Variants in MYL4 observed in about 807,000 individuals in gnomAD.
The protein encoded by MYL4 is atrial myosin light chain 1.
A neutral mutation model predicts 21.6 loss-of-function variants in MYL4; 16 were observed. The observed-to-expected ratio is 0.74, with a 90% confidence interval of 0.50 to 1.12. The LOEUF (loss-of-function observed/expected upper bound fraction) is 1.12, where lower values mean the gene tolerates loss of function less well. Among genes scored for constraint, MYL4 ranks in the 50% most tolerant of loss-of-function variants. MYL4 has a pLI of 0.00. For synonymous variants in MYL4, 82 were observed against 95.7 expected (o/e 0.86, Z 0.83); for missense variants, 249 against 252.9 (o/e 0.98, Z 0.11).
chr17:47,216,210 G>T (rs777977644), intron 2 of MYL4, among the ~76,000 whole-genome samples: 7 of 151,388 alleles, frequency 4.6e-5, no homozygotes, highest in Non-Finnish European at 1.0e-4. Flanking sequence ...TGGACTCATT[G>T]CTCTAGTAAG....
At chr17:47,213,043 C>T (rs761978579) in intron 1 of MYL4, among the ~76,000 whole-genome samples, 8 of 151,948 alleles carry the variant, frequency 5.3e-5, no homozygotes, top group Non-Finnish European at 7.4e-5. Flanking sequence ...AAGAGCAGTC[C>T]GAGTGTGGGG....
At chr17:47,203,053 C>T (rs1322647823) in intron 1 of MYL4, among the ~76,000 whole-genome samples, 1 of 152,124 alleles carries the variant, frequency 6.6e-6, no homozygotes, top group Non-Finnish European at 1.5e-5. Flanking sequence ...CTAGTTCAAG[C>T]AATTCTCTTG....
At chr17:47,209,759 G>T (rs2064759563) in intron 1 of MYL4, 2 of 729,226 alleles carry the variant, frequency 2.7e-6, no homozygotes, top group South Asian at 1.7e-5. Context: ...TTTCCGTCAA[G>T]AATGAGGTGC....
chr17:47,192,014 A>C, the MYL4 span, among the ~76,000 whole-genome samples: 28 of 152,202 alleles, frequency 1.8e-4, no homozygotes, highest in Admixed American at 6.5e-4. Context: ...TCTGGCTTAT[A>C]GGCTTAGAAT....
chr17:47,221,928 C>G (rs114403869), intron 4 of MYL4, 73 bp downstream of exon 4: 29 of 1,521,424 alleles, frequency 1.9e-5, no homozygotes, highest in Non-Finnish European at 2.6e-5. Context: ...GTGACATATG[C>G]TGGTTGGGTG....
At chr17:47,226,808 G>C (rs1029565921), downstream of MYL4, among the ~76,000 whole-genome samples, 1 of 152,190 alleles carries the variant, frequency 6.6e-6, no homozygotes, top group Non-Finnish European at 1.5e-5. Flanking sequence ...CTCCGGCTCA[G>C]CCATCACTTC....
At chr17:47,198,224 G>C (rs2064696779), upstream of MYL4, among the ~76,000 whole-genome samples, 1 of 152,082 alleles carries the variant, frequency 6.6e-6, no homozygotes, top group African/African-American at 2.4e-5. Context: ...AAACAGTTTT[G>C]AGTTACTAAC....
intron 3 of MYL4, 130 bp from the exon 4 acceptor site, chr17:47,221,552 A>G: frequency 1.0e-6 from 1 of 984,486 alleles, no homozygotes; most frequent in Non-Finnish European, 1.5e-6. Flanking sequence ...TAATGGGTGT[A>G]CCACCCAGAA....
At chr17:47,197,918 G>T (rs2064695422), upstream of MYL4, among the ~76,000 whole-genome samples, 1 of 152,208 alleles carries the variant, frequency 6.6e-6, no homozygotes, top group South Asian at 2.1e-4. Flanking sequence ...GTATAAGCTT[G>T]GTTGAAATGG....
intron 1 of MYL4, among the ~76,000 whole-genome samples, chr17:47,212,846 G>A (rs2064786085): frequency 1.3e-5 from 2 of 151,538 alleles, no homozygotes; most frequent in Admixed American, 6.6e-5. Context: ...TGGTGACATG[G>A]AACTTCAGCA....
rs756719485 is a variant in MYL4 at position 47,223,038 on chromosome 17, G to A, written c.590G>A (p.Gly197Glu). 6.2e-7 allele frequency: 1 copy of A among 1,614,134 alleles called. No individual in the cohort carries two copies. The highest frequency in any genetic ancestry group is 1.1e-5 in the South Asian group (1 of 91,086). The stretch of plus-strand genomic sequence containing the variant: ...GCCTTTGTCAAGCACATCATGTCAG[G>A]GTGAAGCAGAGTCTTCCAGGTGAGT... ...YEAFVKHIMS[G>E] The change falls in exon 6 of 7, where the codon GGG becomes GAG. Residue 197 changes from glycine (G) to glutamate (E), a missense_variant. Physicochemically the swap from Gly to Glu is moderately conservative, Grantham distance 98 (BLOSUM62 -2). Transcript: ENST00000393450.
At chr17:47,208,550 TACACAC>T (rs55886095), upstream of MYL4, among the ~76,000 whole-genome samples, 34,172 of 145,858 alleles carry the variant, frequency 0.23, 3,984 homozygotes, top group African/African-American at 0.26. Context: ...TAGTAAGCAC[TACACAC>T]ACACACACAC....
rs760514647 is a variant in MYL4, at chr17:47,219,988, G to A, written c.248G>A (p.Arg83Gln). 4.3e-6 allele frequency: 7 copies of A among 1,614,188 alleles called. No individual in the cohort carries two copies. The highest frequency in any genetic ancestry group is 1.7e-5 in the Admixed American group (1 of 60,030). Reference protein sequence around the residue: ...ITYGQCGDVLRALGQNPTNAE... With the variant: ...ITYGQCGDVLQALGQNPTNAE... Reference sequence around the variant, plus strand: ...TACGGCCAGTGCGGGGATGTACTGCGGGCCCTGGGCCAGAACCCTACCAAT... The same window carrying A: ...TACGGCCAGTGCGGGGATGTACTGCAGGCCCTGGGCCAGAACCCTACCAAT... Residue 83 changes from arginine to glutamine, a missense_variant, in exon 3 of 7, where the codon CGG (arginine) becomes CAG (glutamine). Transcript: ENST00000393450.
chr17:47,205,675 G>A (rs536199947), upstream of MYL4, among the ~76,000 whole-genome samples: 5 of 152,288 alleles, frequency 3.3e-5, no homozygotes, highest in East Asian at 3.9e-4. Context: ...TTTGAGGAGC[G>A]TCTCCTCCCC....
upstream of MYL4, among the ~76,000 whole-genome samples, chr17:47,195,559 A>G (rs528574874): frequency 7.9e-5 from 12 of 152,170 alleles, no homozygotes; most frequent in African/African-American, 2.6e-4. Context: ...GGGTTTTACC[A>G]TGTTGGCCAG....
chr17:47,213,897 G>A (rs779547933), intron 2 of MYL4, 71 bp downstream of exon 2: 1 of 1,522,626 alleles, frequency 6.6e-7, no homozygotes, highest in East Asian at 2.2e-5. Context: ...GGAGGAAGAA[G>A]AGGAGGAGTA....
At chr17:47,202,696 G>A (rs139973074) in intron 1 of MYL4, among the ~76,000 whole-genome samples, 185 of 150,800 alleles carry the variant, frequency 1.2e-3, no homozygotes, top group African/African-American at 4.1e-3. Flanking sequence ...AATTGAAAAA[G>A]CAACTCTAAA....
chr17:47,218,041 C>CAAAAAAAAAAAAAAAAAAA (rs1200148257), intron 2 of MYL4, among the ~76,000 whole-genome samples: 1 of 61,924 alleles, frequency 1.6e-5, no homozygotes, highest in African/African-American at 5.8e-5. Flanking sequence ...AACTCCATCT[C>CAAAAAAAAAAAAAAAAAAA]AAAAAAAAAA....
In MYL4 at chr17:47,216,697, TTC is replaced by T. The variant is rs1387300016; in HGVS notation, c.163+2873_163+2874del. ...CATGACATCTTTTTTTTCTTTTTCT[TTC>T]TTTTTTTTTTTTGAGACAGAGTTTT... On this transcript the variant is annotated intron_variant, in intron 2 of 6. Transcript: ENST00000393450. Among the ~76,000 whole-genome samples the T allele has an allele frequency of 2.8e-4, 41 of 148,292 alleles. 2 individuals carry two copies. Among genetic ancestry groups the T allele is most frequent in the Admixed American group, 1.1e-3 (17 of 15,046 alleles).
Sources: allele counts gnomAD v4.1 joint callset (sites outside exome capture counted in the v4.1 genomes callset), GRCh38; gene constraint gnomAD v4.1.1; transcripts MANE v1.5; gene names NCBI Gene and HGNC (gene_info 2026-07-23, HGNC 2026-07-21).